TTC28: variants seen among roughly 807,000 people sequenced by gnomAD.
TTC28 encodes the protein tetratricopeptide repeat domain 28, also known as tetratricopeptide repeat protein 28.
A neutral mutation model predicts 198.0 loss-of-function variants in TTC28; 61 were observed. The observed-to-expected ratio is 0.31, with a 90% confidence interval of 0.25 to 0.38. The LOEUF (loss-of-function observed/expected upper bound fraction) is 0.38. Ranked by LOEUF, TTC28 falls within the 10% of genes least tolerant of loss-of-function variation. TTC28 has a pLI of 1.00. For synonymous variants in TTC28, 1,171 were observed against 1,297.8 expected, an observed-to-expected ratio of 0.90 and a Z score of 2.10; for missense variants, 2,678 against 3,164.0, an observed-to-expected ratio of 0.85 and a Z score of 3.69.
chr22:28,518,352 G>C (rs906297999), intron 2 of TTC28, among the ~76,000 whole-genome samples: 1 of 152,072 alleles, frequency 6.6e-6, no homozygotes, highest in African/African-American at 2.4e-5. Flanking sequence ...ATGGTGGCTC[G>C]CATCTGTAAT....
chr22:27,997,466 G>A (rs1276358709), intron 16 of TTC28: 1 of 152,254 alleles, frequency 6.6e-6, no homozygotes, highest in African/African-American at 2.4e-5. Context: ...CACCCCTGCA[G>A]CTGTGTTGAC....
intron 2 of TTC28, among the ~76,000 whole-genome samples, chr22:28,490,191 A>G (rs2048356947): frequency 6.6e-6 from 1 of 152,218 alleles, no homozygotes; most frequent in African/African-American, 2.4e-5. Flanking sequence ...ACCCTCACAG[A>G]CACACCCAAG....
chr22:28,422,876 G>A (rs530656380), intron 2 of TTC28, among the ~76,000 whole-genome samples: 3 of 152,198 alleles, frequency 2.0e-5, no homozygotes, highest in South Asian at 4.2e-4. Flanking sequence ...TTTAAAATAT[G>A]TATTGTTAAC....
At chr22:28,679,171 C>G (rs561093520) in intron 1 of TTC28, among the ~76,000 whole-genome samples, 3 of 152,302 alleles carry the variant, frequency 2.0e-5, no homozygotes, top group African/African-American at 7.2e-5. Context: ...CCTCCGGGGA[C>G]GAAGAGCTCA....
intron 5 of TTC28, among the ~76,000 whole-genome samples, chr22:28,215,590 T>C (rs976005705): frequency 6.6e-6 from 1 of 152,144 alleles, no homozygotes; most frequent in African/African-American, 2.4e-5. Flanking sequence ...TCTAAAATGA[T>C]TTTAAAGCAT....
At chr22:28,662,142 T>G (rs142782147) in intron 1 of TTC28, among the ~76,000 whole-genome samples, 1 of 152,344 alleles carries the variant, frequency 6.6e-6, no homozygotes, top group East Asian at 1.9e-4. Context: ...ATAATAAACT[T>G]AATGTCAAAT....
rs137861593 is a variant in TTC28, at chr22:28,256,549, T to G, written c.933+39649A>C. Among the ~76,000 whole-genome samples the G allele has an allele frequency of 2.3e-3, 357 of 152,108 alleles. 3 individuals carry two copies. The highest frequency in any genetic ancestry group is 9.1e-3 in the East Asian group (47 of 5,174). On this transcript the variant is annotated intron_variant, in intron 5 of 22. Coordinates refer to ENST00000397906, the MANE Select transcript of TTC28 (RefSeq NM_001145418.2). ...GTCTCTATCAAAATGTCAATGACAT[T>G]ATTCACAGAAATAGAAAAAAAACTC...
At chr22:28,626,116 G>A (rs540358634) in intron 2 of TTC28, among the ~76,000 whole-genome samples, 2 of 152,046 alleles carry the variant, frequency 1.3e-5, no homozygotes, top group Non-Finnish European at 2.9e-5. Flanking sequence ...GAAGACAAAG[G>A]TTTCTTAAAT....
intron 5 of TTC28, among the ~76,000 whole-genome samples, chr22:28,185,721 T>C (rs1924134973): frequency 6.6e-6 from 1 of 152,204 alleles, no homozygotes; most frequent in South Asian, 2.1e-4. Flanking sequence ...AAAGTATATC[T>C]GAGAGTCAAT....
At chr22:28,337,960 T>A (rs557285801) in intron 2 of TTC28, among the ~76,000 whole-genome samples, 5 of 152,324 alleles carry the variant, frequency 3.3e-5, no homozygotes, top group African/African-American at 1.2e-4. Flanking sequence ...ATTTGGCATG[T>A]TTTTGCAGTG....
At chr22:28,498,574 C>T (rs969752437) in intron 2 of TTC28, among the ~76,000 whole-genome samples, 2 of 152,044 alleles carry the variant, frequency 1.3e-5, no homozygotes, top group African/African-American at 4.8e-5. Flanking sequence ...CAATGTTCAC[C>T]GAAAGGGGCT....
chr22:28,591,083 A>G (rs2050427969), intron 2 of TTC28, among the ~76,000 whole-genome samples: 1 of 122,588 alleles, frequency 8.2e-6, no homozygotes, highest in South Asian at 2.7e-4. Flanking sequence ...ATATATATAT[A>G]TAGGAATTGT....
At chr22:28,367,770 G>C (rs2046271582) in intron 2 of TTC28, among the ~76,000 whole-genome samples, 1 of 151,976 alleles carries the variant, frequency 6.6e-6, no homozygotes. Flanking sequence ...AGGATCATTA[G>C]AGGCTGCTAT....
intron 2 of TTC28, among the ~76,000 whole-genome samples, chr22:28,380,623 G>A (rs990563723): frequency 6.6e-6 from 1 of 152,078 alleles, no homozygotes; most frequent in Non-Finnish European, 1.5e-5. Flanking sequence ...TAAGAAAAAA[G>A]CATGTTTTTT....
intron 5 of TTC28, among the ~76,000 whole-genome samples, chr22:28,170,263 G>A (rs192074727): frequency 2.6e-5 from 4 of 151,964 alleles, no homozygotes; most frequent in East Asian, 1.9e-4. Context: ...TGAGGCAGGC[G>A]GATCACGAGG....
chr22:28,399,314 A>ACC (rs2046865687), intron 2 of TTC28, among the ~76,000 whole-genome samples: 1 of 123,118 alleles, frequency 8.1e-6, no homozygotes, highest in Non-Finnish European at 1.8e-5. Flanking sequence ...TGAGACTAAA[A>ACC]CTGTTTTTTT....
At chr22:28,044,674 A>G (rs560228162) in intron 12 of TTC28, among the ~76,000 whole-genome samples, 4 of 152,128 alleles carry the variant, frequency 2.6e-5, no homozygotes, top group Admixed American at 1.3e-4. Context: ...TCATTGTTCA[A>G]TTCCCACCTA....
intron 1 of TTC28, among the ~76,000 whole-genome samples, chr22:28,673,751 T>C (rs989651179): frequency 2.0e-4 from 31 of 152,300 alleles, no homozygotes; most frequent in Admixed American, 1.1e-3. Context: ...AGTGTGAATA[T>C]ACAAGAAACA....
intron 5 of TTC28, among the ~76,000 whole-genome samples, chr22:28,294,908 G>A (rs2044863258): frequency 6.6e-6 from 1 of 152,132 alleles, no homozygotes; most frequent in African/African-American, 2.4e-5. Flanking sequence ...TTCACTAAAT[G>A]GACCTATCTG....
Sources: gnomAD v4.1 joint callset for allele counts (sites outside exome capture counted in the v4.1 genomes callset) on GRCh38, gnomAD v4.1.1 for gene constraint, MANE v1.5 for transcripts, NCBI Gene and HGNC (gene_info 2026-07-23, HGNC 2026-07-21) for gene names.